THSD7B: variants seen among roughly 807,000 people sequenced by gnomAD.
The protein encoded by THSD7B is thrombospondin type-1 domain-containing protein 7B.
THSD7B carries 138 observed loss-of-function variants against 213.6 expected under a neutral mutation model. That is an observed-to-expected ratio of 0.65 (90% CI 0.56 to 0.74). THSD7B has a LOEUF of 0.74. THSD7B is among the 30% of genes least tolerant of loss of function. The pLI is 0.00. For synonymous variants in THSD7B, 742 were observed against 687.0 expected (o/e 1.08, Z -1.25); for missense variants, 1,931 against 1,991.5 (o/e 0.97, Z 0.58).
intron 9 of THSD7B, among the ~76,000 whole-genome samples, chr2:137,233,842 A>T (rs1681698981): frequency 6.6e-6 from 1 of 152,278 alleles, no homozygotes; most frequent in African/African-American, 2.4e-5. Context: ...AAGGCTGGTA[A>T]AGAAGAAAAC....
intron 17 of THSD7B, among the ~76,000 whole-genome samples, chr2:137,574,735 A>G (rs532653450): frequency 6.6e-6 from 1 of 152,238 alleles, no homozygotes; most frequent in South Asian, 2.1e-4. Flanking sequence ...GGTATATTGC[A>G]TAACTTTAGT....
At chr2:137,514,738 C>A (rs142004498) in intron 15 of THSD7B, among the ~76,000 whole-genome samples, 1 of 152,078 alleles carries the variant, frequency 6.6e-6, no homozygotes, top group Non-Finnish European at 1.5e-5. Flanking sequence ...CACTAATAGT[C>A]CTTGGTGTGA....
At chr2:137,255,748 T>C (rs1682291196) in intron 10 of THSD7B, among the ~76,000 whole-genome samples, 1 of 152,182 alleles carries the variant, frequency 6.6e-6, no homozygotes, top group Non-Finnish European at 1.5e-5. Context: ...TCTGGCTTTG[T>C]CACCTGATGG....
intron 1 of THSD7B, among the ~76,000 whole-genome samples, chr2:136,860,110 C>T (rs901555697): frequency 2.0e-5 from 3 of 149,306 alleles, no homozygotes; most frequent in Admixed American, 6.8e-5. Context: ...CTCTGCCTCC[C>T]GGGTTCACGC....
At chr2:137,566,898 C>A (rs1681248991) in intron 16 of THSD7B, among the ~76,000 whole-genome samples, 1 of 152,034 alleles carries the variant, frequency 6.6e-6, no homozygotes, top group Non-Finnish European at 1.5e-5. Flanking sequence ...AGATGGTCAG[C>A]AAAATATTTG....
chr2:137,635,904 C>T (rs1033086745), intron 20 of THSD7B, among the ~76,000 whole-genome samples: 5 of 151,980 alleles, frequency 3.3e-5, no homozygotes, highest in South Asian at 4.1e-4. Context: ...GGTTTTACCA[C>T]GTTGGTCAGG....
intron 1 of THSD7B, among the ~76,000 whole-genome samples, chr2:136,866,113 G>A (rs1024745751): frequency 9.2e-5 from 14 of 152,156 alleles, no homozygotes; most frequent in African/African-American, 1.2e-4. Context: ...TGTGATTGTC[G>A]CTTTGAGCAC....
rs777991185 is a variant in THSD7B at position 137,411,721 on chromosome 2, T to C, written c.2808T>C (p.Asp936=). 10 of 1,613,958 alleles carry C rather than the reference T, an allele frequency of 6.2e-6. No individual in the cohort carries two copies. The African/African-American group carries it at 9.3e-5, about 15-fold the overall frequency. The change falls in exon 14 of 28, where the codon GAT becomes GAC. Residue 936 remains aspartate (D), a synonymous_variant. Coordinates refer to ENST00000409968, the MANE Select transcript of THSD7B (RefSeq NM_001316349.2). ...FISQPYGNWS[D]CILPEGRREP... ...CCCAACCTTATGGAAACTGGTCAGA[T>C]TGCATTCTTCCAGAAGGCAGAAGGG...
At chr2:137,431,856 T>C (rs1687192790) in intron 14 of THSD7B, among the ~76,000 whole-genome samples, 1 of 152,150 alleles carries the variant, frequency 6.6e-6, no homozygotes. Context: ...GAATAGCTTA[T>C]AGGTGATAAG....
At chr2:136,958,759 T>TGA (rs1446793300) in intron 2 of THSD7B, among the ~76,000 whole-genome samples, 2 of 152,228 alleles carry the variant, frequency 1.3e-5, no homozygotes, top group African/African-American at 4.8e-5. Flanking sequence ...TTCAGTTGAT[T>TGA]AGATCAAGCT....
In THSD7B at chr2:137,496,585, A is replaced by G. The variant is rs1679573944; in HGVS notation, c.3138+45562A>G. Among the ~76,000 whole-genome samples the G allele has an allele frequency of 4.6e-5, 7 of 152,160 alleles. No individual in the cohort carries two copies. In the South Asian group the frequency reaches 1.4e-3, roughly 32 times the overall value. ...TTATTACCAGTATAATTACCATTGC[A>G]TCAATAATTTCTCTCCTTCAACTGC... On this transcript the variant is annotated intron_variant, in intron 15 of 27. Coordinates refer to ENST00000409968, the MANE Select transcript of THSD7B (RefSeq NM_001316349.2).
intron 1 of THSD7B, among the ~76,000 whole-genome samples, chr2:136,841,386 G>A (rs1000832246): frequency 1.3e-5 from 2 of 151,874 alleles, no homozygotes; most frequent in African/African-American, 2.4e-5. Context: ...ACAATGTCAA[G>A]AGATTGAGAC....
In THSD7B at chr2:137,405,765, A is replaced by G; in HGVS notation, c.2653A>G (p.Thr885Ala). The change falls in exon 13 of 28, where the codon ACG (threonine) becomes GCG (alanine). Residue 885 changes from threonine to alanine, a missense_variant. Physicochemically the swap from Thr to Ala is moderately conservative, Grantham distance 58 (BLOSUM62 0). Coordinates refer to ENST00000409968, the MANE Select transcript of THSD7B (RefSeq NM_001316349.2). Reference sequence around the variant, plus strand: ...TTGGTCCAAGTTTACGCCCTGCTCCACGAACTGTGAAGCCACAAAAAGTAG... The same window carrying G: ...TTGGTCCAAGTTTACGCCCTGCTCCGCGAACTGTGAAGCCACAAAAAGTAG... Reference protein sequence around the residue: ...TAWSKFTPCSTNCEATKSRRR... With the variant: ...TAWSKFTPCSANCEATKSRRR... The G allele has an allele frequency of 6.2e-7, 1 of 1,613,408 alleles. No homozygotes were observed. The highest frequency in any genetic ancestry group is 8.5e-7 in the Non-Finnish European group (1 of 1,179,678).
intron 15 of THSD7B, among the ~76,000 whole-genome samples, chr2:137,522,159 T>A (rs1680197326): frequency 6.6e-6 from 1 of 152,188 alleles, no homozygotes; most frequent in Admixed American, 6.5e-5. Flanking sequence ...TAGCCAGGAC[T>A]CCCCATGAGT....
At chr2:137,209,827 A>G (rs1034691628) in intron 7 of THSD7B, among the ~76,000 whole-genome samples, 1 of 152,116 alleles carries the variant, frequency 6.6e-6, no homozygotes, top group Non-Finnish European at 1.5e-5. Flanking sequence ...CATATGGTGA[A>G]GTCCTAGAAC....
At chr2:137,489,255 T>A (rs1688551421) in intron 15 of THSD7B, among the ~76,000 whole-genome samples, 2 of 151,724 alleles carry the variant, frequency 1.3e-5, no homozygotes. Context: ...TGAAACCCCA[T>A]CTCTACTAAA....
At chr2:137,297,652 G>A (rs566496558) in intron 12 of THSD7B, among the ~76,000 whole-genome samples, 2 of 152,050 alleles carry the variant, frequency 1.3e-5, no homozygotes, top group African/African-American at 4.8e-5. Flanking sequence ...CCCATGTGTT[G>A]TAGGAGGGAC....
intron 1 of THSD7B, among the ~76,000 whole-genome samples, chr2:136,879,136 G>A (rs1472052696): frequency 6.6e-6 from 1 of 152,042 alleles, no homozygotes; most frequent in East Asian, 1.9e-4. Context: ...TCTACATATG[G>A]CTAGCCAGTT....
intron 10 of THSD7B, among the ~76,000 whole-genome samples, chr2:137,255,184 T>C (rs1391748356): frequency 6.6e-6 from 1 of 152,126 alleles, no homozygotes; most frequent in Non-Finnish European, 1.5e-5. Context: ...TGAAAGTTAA[T>C]CAAAGCAGAG....
Sources: gnomAD v4.1 joint callset for allele counts (sites outside exome capture counted in the v4.1 genomes callset) on GRCh38, gnomAD v4.1.1 for gene constraint, MANE v1.5 for transcripts, NCBI Gene and HGNC (gene_info 2026-07-23, HGNC 2026-07-21) for gene names.